AFG3L2: variants seen among roughly 807,000 people sequenced by gnomAD.
AFG3L2 encodes the protein AFG3 like matrix AAA peptidase subunit 2, also known as mitochondrial inner membrane m-AAA protease component AFG3L2.
Under a neutral mutation model 94.5 loss-of-function variants are expected in AFG3L2, and 54 were observed. That is an observed-to-expected ratio of 0.57 (90% CI 0.46 to 0.72). The LOEUF (loss-of-function observed/expected upper bound fraction) is 0.72. Ranked by LOEUF, AFG3L2 falls within the 30% of genes least tolerant of loss-of-function variation. The pLI, the probability that AFG3L2 is intolerant of heterozygous loss-of-function variation, is 0.00. For synonymous variants in AFG3L2, 377 were observed against 365.5 expected, an observed-to-expected ratio of 1.03 and a Z score of -0.36; for missense variants, 754 against 994.9, an observed-to-expected ratio of 0.76 and a Z score of 3.26.
At chr18:12,374,515 T>C (rs1042778454) in intron 1 of AFG3L2, among the ~76,000 whole-genome samples, 3 of 152,176 alleles carry the variant, frequency 2.0e-5, no homozygotes, top group African/African-American at 7.2e-5. Context: ...CAGGTGTCAC[T>C]AGGCAAATCT....
chr18:12,362,776 G>GACATGGGCCGCTGGGCTATTTCTCATT (rs1456190056), intron 6 of AFG3L2, among the ~76,000 whole-genome samples: 1 of 152,150 alleles, frequency 6.6e-6, no homozygotes, highest in African/African-American at 2.4e-5. Context: ...TAGACAATGT[G>GACATGGGCCGCTGGGCTATTTCTCATT]TGAGAGGACG....
chr18:12,335,018 G>A (rs947717412), intron 16 of AFG3L2, among the ~76,000 whole-genome samples: 15 of 152,282 alleles, frequency 9.9e-5, no homozygotes, highest in South Asian at 6.2e-4. Context: ...AAACTGAGTT[G>A]CACAAGAGCT....
intron 15 of AFG3L2, 87 bp downstream of exon 15, chr18:12,340,114 A>G (rs1053274109): frequency 8.1e-7 from 1 of 1,232,000 alleles, no homozygotes; most frequent in Non-Finnish European, 1.2e-6. Context: ...AAGCACAACT[A>G]TATTGTTTCA....
intron 16 of AFG3L2, among the ~76,000 whole-genome samples, chr18:12,333,374 C>T (rs1907646829): frequency 7.4e-6 from 1 of 135,812 alleles, no homozygotes. Flanking sequence ...ATTTTTTCCC[C>T]CTGAAACAGG....
At chr18:12,335,367 CAT>C (rs1907709362) in intron 16 of AFG3L2, among the ~76,000 whole-genome samples, 1 of 152,184 alleles carries the variant, frequency 6.6e-6, no homozygotes. Context: ...CCTCCTTTCA[CAT>C]GTCACATGTG....
chr18:12,372,678 G>T (rs75141241), intron 1 of AFG3L2, among the ~76,000 whole-genome samples: 241 of 152,272 alleles, frequency 1.6e-3, no homozygotes, highest in African/African-American at 5.6e-3. Context: ...ATAAAATGTG[G>T]TATACCCATA....
chr18:12,350,934 G>T, intron 12 of AFG3L2, 151 bp downstream of exon 12: 9 of 1,040,336 alleles, frequency 8.7e-6, no homozygotes, highest in Non-Finnish European at 1.3e-5. Context: ...GCAATTAAGT[G>T]AGACCCTGTC....
chr18:12,346,446 A>G (rs1243576166), intron 13 of AFG3L2, among the ~76,000 whole-genome samples: 6 of 150,420 alleles, frequency 4.0e-5, no homozygotes, highest in Non-Finnish European at 8.9e-5. Flanking sequence ...AGCGCCCCAC[A>G]CTCCTGCGGT....
At chr18:12,340,095 A>C in intron 15 of AFG3L2, 106 bp downstream of exon 15, 1 of 1,109,936 alleles carries the variant, frequency 9.0e-7, no homozygotes, top group South Asian at 1.2e-5. Flanking sequence ...TAAAAAGCCT[A>C]AAACAGTGAA....
chr18:12,358,284 G>A (rs567693342), intron 8 of AFG3L2, among the ~76,000 whole-genome samples: 14 of 152,312 alleles, frequency 9.2e-5, no homozygotes, highest in Admixed American at 9.1e-4. Flanking sequence ...GAACCTCAGC[G>A]CCAGCACAGG....
rs1005670966 is a variant in AFG3L2, at chr18:12,351,097, G to A, written c.1540C>T (p.Pro514Ser). Residue 514 changes from proline (P) to serine (S), a missense_variant, in exon 12 of 17, where the codon CCA (proline) becomes TCA (serine). By Grantham distance (74) the Pro-to-Ser change is moderately conservative (BLOSUM62 -1). This residue lies in a region of AFG3L2 where 279 missense variants were observed against 378.6 expected (regional missense o/e 0.74). Coordinates refer to ENST00000269143, the MANE Select transcript of AFG3L2 (RefSeq NM_006796.3). ...KLARKLASLT[P>S]GFSGADVANV... ...ATTTTCCACTCACCTGAAAACCCTG[G>A]AGTTAAAGATGCCAGTTTTCTTGCC... 2.2e-5 allele frequency: 36 copies of A among 1,612,926 alleles called. No individual in the cohort carries two copies. The highest frequency in any genetic ancestry group is 2.8e-5 in the Non-Finnish European group (33 of 1,180,032).
At chr18:12,334,382 T>C (rs541329356) in intron 16 of AFG3L2, among the ~76,000 whole-genome samples, 8 of 152,282 alleles carry the variant, frequency 5.3e-5, no homozygotes, top group Non-Finnish European at 7.4e-5. Flanking sequence ...GATTCTCACA[T>C]CACTGCAGAC....
At chr18:12,345,516 C>T (rs949631439) in intron 13 of AFG3L2, among the ~76,000 whole-genome samples, 3 of 152,232 alleles carry the variant, frequency 2.0e-5, no homozygotes, top group Non-Finnish European at 4.4e-5. Flanking sequence ...TGCCACAGGG[C>T]GGGAAGTTAC....
At chr18:12,370,173 A>C (rs1218449774) in intron 3 of AFG3L2, among the ~76,000 whole-genome samples, 1 of 152,072 alleles carries the variant, frequency 6.6e-6, no homozygotes, top group East Asian at 1.9e-4. Context: ...AGGTGAGGTA[A>C]TGCTCTGAGG....
At chr18:12,373,802 G>A (rs1909062531) in intron 1 of AFG3L2, among the ~76,000 whole-genome samples, 1 of 152,042 alleles carries the variant, frequency 6.6e-6, no homozygotes, top group South Asian at 2.1e-4. Context: ...ACAACCTAAG[G>A]TCTCTGAAAT....
At chr18:12,360,582 C>A in intron 6 of AFG3L2, among the ~76,000 whole-genome samples, 1 of 152,202 alleles carries the variant, frequency 6.6e-6, no homozygotes, top group East Asian at 1.9e-4. Context: ...CCGCACCCCA[C>A]TGTGCAACTG....
chr18:12,334,020 T>C (rs1211178960), intron 16 of AFG3L2, among the ~76,000 whole-genome samples: 2 of 152,130 alleles, frequency 1.3e-5, no homozygotes, highest in South Asian at 4.2e-4. Context: ...GGTCACAGGG[T>C]TTTCAGAAAG....
At chr18:12,366,319 T>A (rs558713949) in intron 5 of AFG3L2, among the ~76,000 whole-genome samples, 1 of 152,360 alleles carries the variant, frequency 6.6e-6, no homozygotes, top group South Asian at 2.1e-4. Context: ...TGTCTTACAA[T>A]CAATAGCATC....
rs1177981536 is a variant in AFG3L2 at position 12,358,956 on chromosome 18, A to G, written c.753-13T>C. The G allele has an allele frequency of 6.2e-7, 1 of 1,606,788 alleles. No individual in the cohort carries two copies. The highest frequency in any genetic ancestry group is 8.5e-7 in the Non-Finnish European group (1 of 1,176,366). On this transcript the variant is annotated splice_polypyrimidine_tract_variant and intron_variant, in intron 7 of 16. Coordinates refer to ENST00000269143, the MANE Select transcript of AFG3L2 (RefSeq NM_006796.3). The stretch of plus-strand genomic sequence containing the variant: ...CAGCAGAAAAGAGCTGGGGACACAC[A>G]GCGCAACACGGGTTAGGACTGGCTG...
Sources: allele counts gnomAD v4.1 joint callset (sites outside exome capture counted in the v4.1 genomes callset), GRCh38; gene constraint gnomAD v4.1.1; regional missense constraint gnomAD v4.1.1; transcripts MANE v1.5; gene names NCBI Gene and HGNC (gene_info 2026-07-23, HGNC 2026-07-21).